KATNB1: variants seen among roughly 807,000 people sequenced by gnomAD.
KATNB1 encodes katanin regulatory subunit B1.
In KATNB1, 38 loss-of-function variants were observed where a neutral mutation model predicts 82.3. The observed-to-expected ratio is 0.46, with a 90% CI of 0.36 to 0.61. KATNB1 has a LOEUF of 0.61. Among genes scored for constraint, KATNB1 ranks in the 20% least tolerant of loss-of-function variants. The probability of loss-of-function intolerance (pLI) is 0.00; values close to 1 mark genes in which losing one functional copy is unlikely to be tolerated. For missense variants in KATNB1, 749 were observed against 915.7 expected, an observed-to-expected ratio of 0.82 and a Z score of 2.35; for synonymous variants, 361 against 368.7, an observed-to-expected ratio of 0.98 and a Z score of 0.24.
intron 1 of KATNB1, chr16:57,736,718 A>C (rs1308397055): frequency 3.6e-6 from 1 of 280,082 alleles, no homozygotes; most frequent in Non-Finnish European, 7.2e-6. Context: ...CGGCTGCTGC[A>C]CTTTAGGCAG....
Position 57,757,067 on chromosome 16 carries a change from C to T in KATNB1, c.*121C>T, listed in dbSNP as rs782611630. Reference sequence around the variant, plus strand: ...CTGGCCCCTGCTGCTGTCCTGTGGCCGTCCTGGAGGAGGTGATGCTGGTCC... The same window carrying T: ...CTGGCCCCTGCTGCTGTCCTGTGGCTGTCCTGGAGGAGGTGATGCTGGTCC... On this transcript the variant is annotated 3_prime_UTR_variant, in exon 20 of 20. Coordinates refer to ENST00000379661, the MANE Select transcript of KATNB1 (RefSeq NM_005886.3). 51 of 1,178,406 alleles carry T rather than the reference C, an allele frequency of 4.3e-5. No homozygotes were observed. The highest frequency in any genetic ancestry group is 8.9e-5 in the East Asian group (3 of 33,778). The allele number at this position is 1,178,406 out of a possible 1,614,324, so 73.0% of individuals were successfully genotyped here. A position where few individuals can be genotyped will look rare whatever the true frequency, so the allele number is the denominator to read the frequency against.
chr16:57,751,118 G>T lies in KATNB1; in HGVS notation c.391-143G>T. 1.1e-6 allele frequency: 1 copy of T among 869,766 alleles called. No individual in the cohort carries two copies. The allele number at this position is 869,766 out of a possible 1,614,324, so 53.9% of individuals were successfully genotyped here. Reference sequence around the variant, plus strand: ...TTCTGCTCAGAATGCCAGCTTTAGTGAGCAGTTTCTGTCCTTGTCTCCGTG... The same window carrying T: ...TTCTGCTCAGAATGCCAGCTTTAGTTAGCAGTTTCTGTCCTTGTCTCCGTG... On this transcript the variant is annotated intron_variant, in intron 5 of 19. Transcript: ENST00000379661. The surrounding 1 kb of genome is among the most constrained non-coding windows in gnomAD (Gnocchi z 6.3).
At position 57,750,874 on chromosome 16, in the gene KATNB1, T is replaced by C; in HGVS notation, c.337T>C (p.Phe113Leu). 6.2e-7 allele frequency: 1 copy of C among 1,614,144 alleles called. No individual in the cohort carries two copies. The highest frequency in any genetic ancestry group is 8.5e-7 in the Non-Finnish European group (1 of 1,180,024). ...GHKANICSLD[F>L]HPYGEFVASG... ...CAAAGCCAACATCTGCAGCCTGGAT[T>C]TCCACCCGTACGGCGAGTTTGTAGC... Residue 113 changes from phenylalanine (F) to leucine (L), a missense_variant, in exon 5 of 20, where the codon TTC becomes CTC. By Grantham distance (22) the Phe-to-Leu change is conservative. Coordinates refer to ENST00000379661, the MANE Select transcript of KATNB1 (RefSeq NM_005886.3).
chr16:57,747,830 A>G (rs946550957), intron 4 of KATNB1, among the ~76,000 whole-genome samples: 1 of 152,218 alleles, frequency 6.6e-6, no homozygotes, highest in Non-Finnish European at 1.5e-5. Flanking sequence ...AGGCTTTCTC[A>G]TCCACAATTG....
chr16:57,747,853 G>C (rs2049195143), intron 4 of KATNB1, among the ~76,000 whole-genome samples: 1 of 152,202 alleles, frequency 6.6e-6, no homozygotes, highest in Non-Finnish European at 1.5e-5. Flanking sequence ...TTGCTCACAG[G>C]GGAAATGTGA....
At chr16:57,749,103 G>T (rs1228350047) in intron 4 of KATNB1, among the ~76,000 whole-genome samples, 1 of 152,254 alleles carries the variant, frequency 6.6e-6, no homozygotes, top group Non-Finnish European at 1.5e-5. Context: ...TCCAGCGCCA[G>T]ACAGGGCCAG....
At chr16:57,737,395 T>G in intron 2 of KATNB1, 112 bp downstream of exon 2, 2 of 1,171,600 alleles carry the variant, frequency 1.7e-6, no homozygotes, top group Non-Finnish European at 2.5e-6. Context: ...AGGAGACTCC[T>G]AGACTTGGGA....
chr16:57,756,332 G>T, intron 18 of KATNB1, 24 bp from the exon 19 acceptor site: 1 of 1,597,014 alleles, frequency 6.3e-7, no homozygotes, highest in South Asian at 1.1e-5. Context: ...GTCCATCTGT[G>T]ACTTCATCCA....
chr16:57,747,054 G>C (rs181202121), intron 4 of KATNB1, among the ~76,000 whole-genome samples: 11,836 of 152,150 alleles, frequency 0.078, 810 homozygotes, highest in East Asian at 0.17. Flanking sequence ...GCTAATTTTT[G>C]TATTTTTAGT....
chr16:57,741,743 G>C lies in KATNB1; in HGVS notation c.97G>C (p.Gly33Arg). The change falls in exon 3 of 20, where the codon GGG becomes CGG. Residue 33 changes from glycine to arginine, a missense_variant. Physicochemically the swap from Gly to Arg is moderately radical, Grantham distance 125. Transcript: ENST00000379661. ...CTCACTGGTGCTGGGCAAAGCCTCC[G>C]GGCGGCTGCTGGCTACAGGCGGGGA... ...VSSLVLGKAS[G>R]RLLATGGDDC... The C allele has an allele frequency of 1.2e-6, 2 of 1,614,170 alleles. No individual in the cohort carries two copies. Among genetic ancestry groups the C allele is most frequent in the Non-Finnish European group, 1.7e-6 (2 of 1,180,036 alleles).
chr16:57,756,196 C>T, intron 18 of KATNB1, 130 bp downstream of exon 18: 1 of 1,190,800 alleles, frequency 8.4e-7, no homozygotes. Flanking sequence ...CATTGCTGCC[C>T]CTCAACAGTC....
chr16:57,744,594 C>G, intron 4 of KATNB1, 83 bp downstream of exon 4: 1 of 1,153,990 alleles, frequency 8.7e-7, no homozygotes, highest in Non-Finnish European at 1.3e-6. Context: ...CTCCAGGAAG[C>G]CTGCCTGGAC....
chr16:57,738,501 G>A (rs374305424), intron 2 of KATNB1, among the ~76,000 whole-genome samples: 59 of 152,150 alleles, frequency 3.9e-4, no homozygotes, highest in African/African-American at 1.3e-3. Context: ...GGTGATCCAC[G>A]TGCCTCAGCC....
intron 4 of KATNB1, among the ~76,000 whole-genome samples, chr16:57,748,063 C>T (rs1363774167): frequency 6.6e-6 from 1 of 152,056 alleles, no homozygotes; most frequent in Non-Finnish European, 1.5e-5. Context: ...GATGGACAGC[C>T]AGGTTGACAG....
intron 3 of KATNB1, 134 bp from the exon 4 acceptor site, chr16:57,744,260 C>T: frequency 1.4e-6 from 1 of 722,874 alleles, no homozygotes; most frequent in East Asian, 2.6e-5. Flanking sequence ...GAGGGCTAGG[C>T]TGTGGCCCCC....
chr16:57,745,935 G>A (rs1274367256), intron 4 of KATNB1, among the ~76,000 whole-genome samples: 3 of 151,990 alleles, frequency 2.0e-5, no homozygotes, highest in Non-Finnish European at 4.4e-5. Context: ...CTCTCCTCTG[G>A]TCCTAGTGAC....
In KATNB1 at chr16:57,751,501, C is replaced by T; in HGVS notation, c.433-140C>T. On this transcript the variant is annotated intron_variant, in intron 6 of 19. Coordinates refer to ENST00000379661, the MANE Select transcript of KATNB1 (RefSeq NM_005886.3). This position sits in a 1 kb window ranked among gnomAD's most constrained non-coding sequence, Gnocchi z 6.3. ...GCTCTGCATGAATCCCCTAGAGCCA[C>T]GTTCATCAAACTGCTCCAAGCAGAA... 8 of 953,798 alleles carry T rather than the reference C, an allele frequency of 8.4e-6. No homozygotes were observed. Among genetic ancestry groups the T allele is most frequent in the African/African-American group, 1.6e-5 (1 of 62,554 alleles). 59.1% of individuals were successfully genotyped at this position (953,798 alleles called of 1,614,324 possible).
chr16:57,751,453 G>C lies in KATNB1; in HGVS notation c.432+151G>C, dbSNP rs2049227239. Reference sequence around the variant, plus strand: ...ACCTGGAGCTGAGCAGGAGCGCCATGGGCGGCCCACCTGGATCCCCTGGCT... The same window carrying C: ...ACCTGGAGCTGAGCAGGAGCGCCATCGGCGGCCCACCTGGATCCCCTGGCT... On this transcript the variant is annotated intron_variant, in intron 6 of 19. Transcript: ENST00000379661. The surrounding 1 kb of genome is among the most constrained non-coding windows in gnomAD (Gnocchi z 6.3). The C allele has an allele frequency of 2.0e-6, 2 of 991,352 alleles. No individual in the cohort carries two copies. Among genetic ancestry groups the C allele is most frequent in the Non-Finnish European group, 3.1e-6 (2 of 637,980 alleles). 61.4% of individuals were successfully genotyped at this position (991,352 alleles called of 1,614,324 possible). A position where few individuals can be genotyped will look rare whatever the true frequency, so the allele number is the denominator to read the frequency against.
intron 13 of KATNB1, 144 bp from the exon 14 acceptor site, chr16:57,754,786 C>A (rs1158616430): frequency 1.1e-4 from 93 of 823,096 alleles, no homozygotes; most frequent in Non-Finnish European, 1.7e-4. Context: ...TCCTCTGGAA[C>A]CCCCACGCCA....
Sources: gnomAD v4.1 joint callset for allele counts (sites outside exome capture counted in the v4.1 genomes callset) on GRCh38, gnomAD v4.1.1 for gene constraint, Gnocchi (gnomAD v3.1) non-coding constraint, MANE v1.5 for transcripts, NCBI Gene and HGNC (gene_info 2026-07-23, HGNC 2026-07-21) for gene names.